The following MEGF8 variants were observed in gnomAD, a reference collection of about 807,000 sequenced individuals.
The protein encoded by MEGF8 is multiple epidermal growth factor-like domains protein 8.
Under a neutral mutation model 302.9 loss-of-function variants are expected in MEGF8, and 156 were observed. The observed-to-expected ratio is 0.52, with a 90% CI of 0.45 to 0.59. The LOEUF is 0.59. Among genes scored for constraint, MEGF8 ranks in the 20% least tolerant of loss-of-function variants. The pLI is 0.00. For missense variants in MEGF8, 3,345 were observed against 3,964.5 expected, an observed-to-expected ratio of 0.84 and a Z score of 4.20; for synonymous variants, 1,621 against 1,660.5, an observed-to-expected ratio of 0.98 and a Z score of 0.58.
chr19:42,353,314 C>A lies in MEGF8; in HGVS notation c.3551-151C>A. ...CGTCACTCTGGTTGGGCTTCAGTTC[C>A]CCCTCTTGGGACTTGCTGTTTCCCC... is the stretch of plus-strand genomic sequence containing the variant. On this transcript the variant is annotated intron_variant, in intron 20 of 41. Transcript: ENST00000251268. This position sits in a 1 kb window ranked among gnomAD's most constrained non-coding sequence, Gnocchi z 6.1. 9.3e-7 allele frequency: 1 copy of A among 1,071,560 alleles called. No homozygotes were observed. 66.4% of individuals were successfully genotyped at this position (1,071,560 alleles called of 1,614,324 possible).
chr19:42,357,313 G>A lies in MEGF8; in HGVS notation c.4831-91G>A. The A allele has an allele frequency of 2.0e-6, 3 of 1,466,000 alleles. No homozygotes were observed. In the South Asian group the frequency reaches 3.7e-5, roughly 18 times the overall value. The allele number at this position is 1,466,000 out of a possible 1,614,324, so 90.8% of individuals were successfully genotyped here. A position where few individuals can be genotyped will look rare whatever the true frequency, so the allele number is the denominator to read the frequency against. On this transcript the variant is annotated intron_variant, in intron 27 of 41. Coordinates refer to ENST00000251268, the MANE Select transcript of MEGF8 (RefSeq NM_001271938.2). This position sits in a 1 kb window ranked among gnomAD's most constrained non-coding sequence, Gnocchi z 5.2. Reference sequence around the variant, plus strand: ...GGTCATTCCCTCCTTAGTACTTCAGGGAGGACTGTGGGGGGCTGAGGCTCG... The same window carrying A: ...GGTCATTCCCTCCTTAGTACTTCAGAGAGGACTGTGGGGGGCTGAGGCTCG...
chr19:42,333,640 C>G lies in MEGF8; in HGVS notation c.223C>G (p.Leu75Val). 1 of 1,613,996 alleles carries G rather than the reference C, an allele frequency of 6.2e-7. No homozygotes were observed. The highest frequency in any genetic ancestry group is 8.5e-7 in the Non-Finnish European group (1 of 1,179,882). The change falls in exon 2 of 42, where the codon CTT becomes GTT. Residue 75 changes from leucine to valine, a missense_variant. Physicochemically the swap from Leu to Val is conservative, Grantham distance 32 (BLOSUM62 1). Transcript: ENST00000251268. ...SPQHRILLDF[L>V]FLDTECTYDY... ...CCAGCACCGGATCCTGCTGGACTTC[C>G]TTTTCCTGGACACAGAGTGCACGTA...
chr19:42,328,589 TGGCGAAG>T, intron 1 of MEGF8, among the ~76,000 whole-genome samples: 1 of 151,834 alleles, frequency 6.6e-6, no homozygotes, highest in African/African-American at 2.4e-5. Flanking sequence ...TGTGTGTGTG[TGGCGAAG>T]GGGTCTGTGT....
At chr19:42,328,031 T>C (rs975156908) in intron 1 of MEGF8, among the ~76,000 whole-genome samples, 1 of 152,164 alleles carries the variant, frequency 6.6e-6, no homozygotes, top group Admixed American at 6.5e-5. Context: ...GAGGTTGCAG[T>C]GAGCCAATAT....
At chr19:42,373,930 C>G (rs1198337859) in intron 41 of MEGF8, among the ~76,000 whole-genome samples, 1 of 152,024 alleles carries the variant, frequency 6.6e-6, no homozygotes. Flanking sequence ...CCAGACTGGT[C>G]TCGAACTCCT....
In MEGF8 at chr19:42,370,378, A is replaced by G. The variant is rs769364025; in HGVS notation, c.7005+19A>G. 66 of 1,549,444 alleles carry G rather than the reference A, an allele frequency of 4.3e-5. No individual in the cohort carries two copies. Among genetic ancestry groups the G allele is most frequent in the Non-Finnish European group, 5.7e-5 (65 of 1,145,748 alleles). ...AGAGGAGGTGAAAGAGAGGGGTCAG[A>G]TGCCTGGGTCTGAGGGAGGAGGGGC... On this transcript the variant is annotated intron_variant, in intron 39 of 41. Transcript: ENST00000251268.
Position 42,333,755 on chromosome 19 carries a change from C to T in MEGF8, c.338C>T (p.Ala113Val). Residue 113 changes from alanine to valine, a missense_variant, in exon 2 of 42, where the codon GCT (alanine) becomes GTT (valine). Coordinates refer to ENST00000251268, the MANE Select transcript of MEGF8 (RefSeq NM_001271938.2). Reference protein sequence around the residue: ...SGSTRPPPIEASSGKMLLHLF... With the variant: ...SGSTRPPPIEVSSGKMLLHLF... ...AGCACCCGACCTCCGCCCATCGAAG[C>T]TTCCTCAGGCAAGGTTAGTGGGGAT... 1 of 1,613,870 alleles carries T rather than the reference C, an allele frequency of 6.2e-7. No homozygotes were observed. The highest frequency in any genetic ancestry group is 1.7e-5 in the Admixed American group (1 of 60,016).
rs531863035 is a variant in MEGF8, at chr19:42,375,810, C to T, written c.7573C>T (p.His2525Tyr). ...CCCTGACACTGGCGTCCATACTGTA[C>T]ACATCCAGCCACCCCCAGCCCCACC... Reference protein sequence around the residue: ...VAPDTGVHTVHIQPPPAPPPP... With the variant: ...VAPDTGVHTVYIQPPPAPPPP... Residue 2525 changes from histidine (H) to tyrosine (Y), a missense_variant, in exon 42 of 42, where the codon CAC (histidine) becomes TAC (tyrosine). By Grantham distance (83) the His-to-Tyr change is moderately conservative. Coordinates refer to ENST00000251268, the MANE Select transcript of MEGF8 (RefSeq NM_001271938.2). The surrounding 1 kb of genome is among the most constrained non-coding windows in gnomAD (Gnocchi z 7.1). The T allele has an allele frequency of 6.2e-7, 1 of 1,612,536 alleles. No homozygotes were observed. The highest frequency in any genetic ancestry group is 2.2e-5 in the East Asian group (1 of 44,858).
In MEGF8 at chr19:42,369,110, C is replaced by T. The variant is rs565381232; in HGVS notation, c.6641+108C>T. ...AAGCAGGACAGAAGAAAAGAAAGCT[C>T]GAGGCATGAAGGCAGTGGGATTGAT... is the stretch of plus-strand genomic sequence containing the variant. On this transcript the variant is annotated intron_variant, in intron 37 of 41. Coordinates refer to ENST00000251268, the MANE Select transcript of MEGF8 (RefSeq NM_001271938.2). This position sits in a 1 kb window ranked among gnomAD's most constrained non-coding sequence, Gnocchi z 5.7. 28 of 1,404,008 alleles carry T rather than the reference C, an allele frequency of 2.0e-5. No homozygotes were observed. The African/African-American group carries it at 2.6e-4, about 13-fold the overall frequency. 87.0% of individuals were successfully genotyped at this position (1,404,008 alleles called of 1,614,324 possible).
intron 8 of MEGF8, 93 bp downstream of exon 8, chr19:42,337,299 G>A: frequency 1.3e-6 from 2 of 1,561,742 alleles, no homozygotes; most frequent in African/African-American, 1.4e-5. Context: ...CCGTAAGGGT[G>A]AGCCTGACAT....
rs2039770450 is a variant in MEGF8 at position 42,376,358 on chromosome 19, C to A, written c.8121C>A (p.Asp2707Glu). 3 of 1,613,520 alleles carry A rather than the reference C, an allele frequency of 1.9e-6. No homozygotes were observed. The highest frequency in any genetic ancestry group is 2.5e-6 in the Non-Finnish European group (3 of 1,179,818). Residue 2707 changes from aspartate to glutamate, a missense_variant, in exon 42 of 42, where the codon GAC (aspartate) becomes GAA (glutamate). Coordinates refer to ENST00000251268, the MANE Select transcript of MEGF8 (RefSeq NM_001271938.2). This position sits in a 1 kb window ranked among gnomAD's most constrained non-coding sequence, Gnocchi z 8.2. ...AGGTCACCGTCTGCTTCCCACCTGA[C>A]CCTACTGCCCCGGCCTCCGCCTGGA... ...FAKVTVCFPP[D>E]PTAPASAWKP...
In MEGF8 at chr19:42,354,083, AGCCTGCATCC is replaced by A; in HGVS notation, c.4011+60_4011+69del. 1 of 1,522,132 alleles carries A rather than the reference AGCCTGCATCC, an allele frequency of 6.6e-7. No homozygotes were observed. The highest frequency in any genetic ancestry group is 8.8e-7 in the Non-Finnish European group (1 of 1,133,448). 94.3% of individuals were successfully genotyped at this position (1,522,132 alleles called of 1,614,324 possible). The stretch of plus-strand genomic sequence containing the variant: ...GAGCCAGAACCGTGTCCCCTGACCC[AGCCTGCATCC>A]TCAGACCCTGACCCTAGTATTGCTG... On this transcript the variant is annotated intron_variant, in intron 22 of 41. Coordinates refer to ENST00000251268, the MANE Select transcript of MEGF8 (RefSeq NM_001271938.2). The surrounding 1 kb of genome is among the most constrained non-coding windows in gnomAD (Gnocchi z 4.3).
intron 35 of MEGF8, among the ~76,000 whole-genome samples, chr19:42,367,986 G>T (rs533485569): frequency 1.3e-5 from 2 of 152,204 alleles, no homozygotes; most frequent in East Asian, 3.9e-4. Context: ...CAGTGGTGCA[G>T]TCATGACTCA....
chr19:42,335,372 T>C lies in MEGF8; in HGVS notation c.815T>C (p.Leu272Pro), dbSNP rs1163973968. The C allele has an allele frequency of 3.7e-6, 6 of 1,613,884 alleles. No individual in the cohort carries two copies. The highest frequency in any genetic ancestry group is 5.1e-6 in the Non-Finnish European group (6 of 1,179,860). Reference protein sequence around the residue: ...FSANTWESWDLSPAPAARHSH... With the variant: ...FSANTWESWDPSPAPAARHSH... ...GCCAACACCTGGGAGTCTTGGGACC[T>C]GAGTCCTGCCCCGGTATGGACCCCT... Residue 272 changes from leucine (L) to proline (P), a missense_variant, in exon 5 of 42, where the codon CTG becomes CCG. By Grantham distance (98) the Leu-to-Pro change is moderately conservative. Transcript: ENST00000251268.
At chr19:42,329,667 G>A (rs1466393929) in intron 1 of MEGF8, among the ~76,000 whole-genome samples, 1 of 152,126 alleles carries the variant, frequency 6.6e-6, no homozygotes, top group Non-Finnish European at 1.5e-5. Context: ...TTAGAGACTA[G>A]CCTGAACAAC....
chr19:42,358,426 C>T lies in MEGF8; in HGVS notation c.5175+119C>T. The T allele has an allele frequency of 7.8e-7, 1 of 1,287,464 alleles. No homozygotes were observed. The highest frequency in any genetic ancestry group is 1.0e-6 in the Non-Finnish European group (1 of 957,114). 79.8% of individuals were successfully genotyped at this position (1,287,464 alleles called of 1,614,324 possible). Reference sequence around the variant, plus strand: ...CTGCTTCCCCTCCTTTCTATGTTCCCTAACTAAGCGACACCCCCACATCTC... The same window carrying T: ...CTGCTTCCCCTCCTTTCTATGTTCCTTAACTAAGCGACACCCCCACATCTC... On this transcript the variant is annotated intron_variant, in intron 29 of 41. Coordinates refer to ENST00000251268, the MANE Select transcript of MEGF8 (RefSeq NM_001271938.2). This position sits in a 1 kb window ranked among gnomAD's most constrained non-coding sequence, Gnocchi z 4.4.
chr19:42,352,467 C>T lies in MEGF8; in HGVS notation c.3350+11C>T, dbSNP rs201865376. On this transcript the variant is annotated intron_variant, in intron 19 of 41. Transcript: ENST00000251268. This position sits in a 1 kb window ranked among gnomAD's most constrained non-coding sequence, Gnocchi z 4.4. Reference sequence around the variant, plus strand: ...ACACTGCAACCGCACGTGAGTGAGGCGGGGGTTGCTATGGAGATGTTGCCC... The same window carrying T: ...ACACTGCAACCGCACGTGAGTGAGGTGGGGGTTGCTATGGAGATGTTGCCC... 3.0e-5 allele frequency: 48 copies of T among 1,576,658 alleles called. No homozygotes were observed. In the East Asian group the frequency reaches 8.0e-4, roughly 26 times the overall value.
In MEGF8 at chr19:42,353,032, C is replaced by T. The variant is rs367649187; in HGVS notation, c.3455C>T (p.Pro1152Leu). The T allele has an allele frequency of 1.5e-4, 239 of 1,556,328 alleles. No individual in the cohort carries two copies. The African/African-American group carries it at 2.6e-3, about 17-fold the overall frequency. ...GACCTGCCCCCTCCCACACCCGCCCCGGGTCCGCCAGCCCCCCGCTGCTCC... is the reference window on the plus strand; with the variant it reads ...GACCTGCCCCCTCCCACACCCGCCCTGGGTCCGCCAGCCCCCCGCTGCTCC... ...TSDLPPPTPA[P>L]GPPAPRCSRD... Residue 1152 changes from proline (P) to leucine (L), a missense_variant, in exon 20 of 42, where the codon CCG becomes CTG. By Grantham distance (98) the Pro-to-Leu change is moderately conservative (BLOSUM62 -3). Coordinates refer to ENST00000251268, the MANE Select transcript of MEGF8 (RefSeq NM_001271938.2). This position sits in a 1 kb window ranked among gnomAD's most constrained non-coding sequence, Gnocchi z 6.1.
Position 42,335,926 on chromosome 19 carries a change from C to T in MEGF8, c.829-5C>T. 2.7e-6 allele frequency: 4 copies of T among 1,460,950 alleles called. No homozygotes were observed. The highest frequency in any genetic ancestry group is 3.6e-6 in the Non-Finnish European group (4 of 1,106,546). 90.5% of individuals were successfully genotyped at this position (1,460,950 alleles called of 1,614,324 possible). A position where few individuals can be genotyped will look rare whatever the true frequency, so the allele number is the denominator to read the frequency against. On this transcript the variant is annotated splice_region_variant and splice_polypyrimidine_tract_variant and intron_variant, in intron 5 of 41. Coordinates refer to ENST00000251268, the MANE Select transcript of MEGF8 (RefSeq NM_001271938.2). ...CTACCTCTGTCTCTTTTCTCTTCCT[C>T]ACAGGCTGCCCGTCACTCCCATGTG...
Sources: allele counts gnomAD v4.1 joint callset (sites outside exome capture counted in the v4.1 genomes callset), GRCh38; gene constraint gnomAD v4.1.1; non-coding constraint Gnocchi (gnomAD v3.1); transcripts MANE v1.5; gene names NCBI Gene and HGNC (gene_info 2026-07-23, HGNC 2026-07-21).